The following EFNA5 variants were observed in gnomAD, a reference collection of about 807,000 sequenced individuals.
The protein encoded by EFNA5 is ephrin A5.
Under a neutral mutation model 22.9 loss-of-function variants are expected in EFNA5, and 5 were observed. The ratio of observed to expected loss-of-function variants is 0.22; its 90% confidence interval spans 0.11 to 0.46. The LOEUF is 0.46. Ranked by LOEUF, EFNA5 falls within the 20% of genes least tolerant of loss-of-function variation. The pLI, the probability that EFNA5 is intolerant of heterozygous loss-of-function variation, is 0.99. For synonymous variants in EFNA5, 113 were observed against 112.2 expected (o/e 1.01, Z -0.04); for missense variants, 237 against 293.3 (o/e 0.81, Z 1.40).
At chr5:107,450,781 C>T (rs927709712) in intron 1 of EFNA5, among the ~76,000 whole-genome samples, 2 of 152,178 alleles carry the variant, frequency 1.3e-5, no homozygotes, top group African/African-American at 2.4e-5. Flanking sequence ...CAGTCAGAAA[C>T]CACTCAAACC....
intron 1 of EFNA5, among the ~76,000 whole-genome samples, chr5:107,515,839 C>T (rs1747462701): frequency 6.6e-6 from 1 of 152,198 alleles, no homozygotes; most frequent in African/African-American, 2.4e-5. Flanking sequence ...ATATGTTGTA[C>T]ACAGGAGAAT....
chr5:107,453,766 T>C (rs1175943197), intron 1 of EFNA5, among the ~76,000 whole-genome samples: 1 of 152,170 alleles, frequency 6.6e-6, no homozygotes, highest in African/African-American at 2.4e-5. Context: ...GAGGAGGTAT[T>C]ATTGAAATAC....
intron 1 of EFNA5, among the ~76,000 whole-genome samples, chr5:107,476,675 C>T (rs1750318183): frequency 6.6e-6 from 1 of 152,072 alleles, no homozygotes; most frequent in Non-Finnish European, 1.5e-5. Flanking sequence ...TTTGAAGTCC[C>T]TACAGAAATG....
chr5:107,650,636 C>G lies in EFNA5; in HGVS notation c.125+19853G>C, dbSNP rs550498669. ...TAAAGGTATATTGTTATTATGTAAA[C>G]CAAAACTGACTTTAAGTGAAATAAT... On this transcript the variant is annotated intron_variant, in intron 1 of 4. Transcript: ENST00000333274. Among the ~76,000 whole-genome samples the G allele has an allele frequency of 9.5e-4, 144 of 152,218 alleles. 1 individual carries two copies. The highest frequency in any genetic ancestry group is 3.4e-3 in the African/African-American group (140 of 41,548).
chr5:107,494,690 T>C (rs186908085), intron 1 of EFNA5, among the ~76,000 whole-genome samples: 1 of 152,336 alleles, frequency 6.6e-6, no homozygotes, highest in African/African-American at 2.4e-5. Context: ...AGAACCTTTA[T>C]GTCTCTAGCT....
intron 1 of EFNA5, among the ~76,000 whole-genome samples, chr5:107,606,548 C>CAG (rs1306213612): frequency 1.5e-5 from 2 of 135,444 alleles, no homozygotes; most frequent in East Asian, 4.2e-4. Flanking sequence ...AACACACACA[C>CAG]ACACACACAC....
intron 1 of EFNA5, among the ~76,000 whole-genome samples, chr5:107,628,813 T>C (rs1023798642): frequency 3.9e-5 from 6 of 152,110 alleles, no homozygotes; most frequent in African/African-American, 1.4e-4. Context: ...GGTAGTATTT[T>C]TGAGGTCTGG....
chr5:107,607,595 A>G (rs995570912), intron 1 of EFNA5, among the ~76,000 whole-genome samples: 4 of 152,212 alleles, frequency 2.6e-5, no homozygotes, highest in Non-Finnish European at 5.9e-5. Context: ...ACTCATCATG[A>G]CATAGACTAT....
At chr5:107,523,273 T>C (rs1747631372) in intron 1 of EFNA5, among the ~76,000 whole-genome samples, 1 of 152,176 alleles carries the variant, frequency 6.6e-6, no homozygotes, top group Non-Finnish European at 1.5e-5. Flanking sequence ...CATTCAGTTA[T>C]GAAAATCAGA....
chr5:107,652,836 T>A (rs1185909577), intron 1 of EFNA5, among the ~76,000 whole-genome samples: 2 of 152,112 alleles, frequency 1.3e-5, no homozygotes, highest in Non-Finnish European at 2.9e-5. Flanking sequence ...TTTCTCAAAG[T>A]ACTCCACTTT....
At chr5:107,521,476 A>ATATAT (rs1491248327) in intron 1 of EFNA5, among the ~76,000 whole-genome samples, 2 of 58,348 alleles carry the variant, frequency 3.4e-5, no homozygotes, top group Non-Finnish European at 6.8e-5. Flanking sequence ...ATATATATAT[A>ATATAT]TTTTTTTTTT....
chr5:107,533,668 C>T (rs948958572), intron 1 of EFNA5, among the ~76,000 whole-genome samples: 2 of 152,162 alleles, frequency 1.3e-5, no homozygotes, highest in Admixed American at 6.5e-5. Flanking sequence ...AGTTAAACAT[C>T]CATCAAGAAT....
chr5:107,604,047 G>C (rs1749659291), intron 1 of EFNA5, among the ~76,000 whole-genome samples: 1 of 152,132 alleles, frequency 6.6e-6, no homozygotes, highest in Admixed American at 6.5e-5. Flanking sequence ...TCAAGGTGAA[G>C]TACACACATT....
intron 1 of EFNA5, among the ~76,000 whole-genome samples, chr5:107,491,835 A>C (rs941157766): frequency 1.3e-5 from 2 of 151,450 alleles, no homozygotes; most frequent in Non-Finnish European, 2.9e-5. Flanking sequence ...CTAAAAATTA[A>C]ATTAATTAAT....
At chr5:107,670,453 C>A (rs1217623005) in intron 1 of EFNA5, 36 bp downstream of exon 1, 1 of 1,533,638 alleles carries the variant, frequency 6.5e-7, no homozygotes, top group Non-Finnish European at 8.8e-7. Flanking sequence ...CCCCGAGGCC[C>A]GGGTAGCCCT....
At chr5:107,518,406 C>T (rs1462740189) in intron 1 of EFNA5, among the ~76,000 whole-genome samples, 1 of 152,104 alleles carries the variant, frequency 6.6e-6, no homozygotes, top group African/African-American at 2.4e-5. Flanking sequence ...AATGCACACA[C>T]ATCTCTGGAG....
chr5:107,577,881 T>C (rs1459407467), intron 1 of EFNA5, among the ~76,000 whole-genome samples: 1 of 152,194 alleles, frequency 6.6e-6, no homozygotes, highest in Non-Finnish European at 1.5e-5. Flanking sequence ...TAAACCTTTT[T>C]TGGAGCGCGG....
chr5:107,491,197 C>A (rs1746797200), intron 1 of EFNA5, among the ~76,000 whole-genome samples: 2 of 152,224 alleles, frequency 1.3e-5, no homozygotes, highest in African/African-American at 2.4e-5. Context: ...CCTCCAACGA[C>A]AGGACAAGTC....
intron 1 of EFNA5, among the ~76,000 whole-genome samples, chr5:107,643,074 T>C (rs1750560414): frequency 6.6e-6 from 1 of 152,018 alleles, no homozygotes; most frequent in Non-Finnish European, 1.5e-5. Context: ...ATAAGAAAAC[T>C]ATTAGGAGGG....
Sources: gnomAD v4.1 joint callset for allele counts (sites outside exome capture counted in the v4.1 genomes callset) on GRCh38, gnomAD v4.1.1 for gene constraint, MANE v1.5 for transcripts, NCBI Gene and HGNC (gene_info 2026-07-23, HGNC 2026-07-21) for gene names.